Variants in PTPRT observed in about 807,000 individuals in gnomAD.
PTPRT encodes protein tyrosine phosphatase receptor type T, also known as receptor-type tyrosine-protein phosphatase T.
In PTPRT, 56 loss-of-function variants were observed where a neutral mutation model predicts 176.8. The observed-to-expected ratio is 0.32, with a 90% CI of 0.26 to 0.40. The LOEUF (loss-of-function observed/expected upper bound fraction) is 0.40. Among genes scored for constraint, PTPRT ranks in the 10% least tolerant of loss-of-function variants. The pLI, the probability that PTPRT is intolerant of heterozygous loss-of-function variation, is 1.00. For missense variants in PTPRT, 1,540 were observed against 1,908.2 expected (o/e 0.81, Z 3.60); for synonymous variants, 783 against 739.0 (o/e 1.06, Z -0.96).
At chr20:42,418,979 A>T (rs1270639875) in intron 9 of PTPRT, among the ~76,000 whole-genome samples, 1 of 152,220 alleles carries the variant, frequency 6.6e-6, no homozygotes, top group Non-Finnish European at 1.5e-5. Flanking sequence ...TTGGTCCATC[A>T]GCGTATCCCA....
At chr20:42,273,017 T>C (rs548863161) in intron 13 of PTPRT, among the ~76,000 whole-genome samples, 3 of 152,320 alleles carry the variant, frequency 2.0e-5, no homozygotes, top group Non-Finnish European at 2.9e-5. Flanking sequence ...CTAAGTTGAT[T>C]TATGTCTCCC....
At chr20:42,925,108 T>C (rs945241893) in intron 1 of PTPRT, among the ~76,000 whole-genome samples, 5 of 152,358 alleles carry the variant, frequency 3.3e-5, no homozygotes, top group Admixed American at 1.3e-4. Context: ...CCCGGGTCTG[T>C]GAGCACAGTC....
intron 7 of PTPRT, among the ~76,000 whole-genome samples, chr20:42,490,341 A>G (rs543529070): frequency 2.0e-5 from 3 of 152,248 alleles, no homozygotes; most frequent in South Asian, 2.1e-4. Context: ...CACTTGTGTA[A>G]TATCTTCCCA....
chr20:42,869,066 C>T (rs142084644), intron 2 of PTPRT, among the ~76,000 whole-genome samples: 8 of 152,298 alleles, frequency 5.3e-5, no homozygotes, highest in Non-Finnish European at 1.0e-4. Flanking sequence ...GCTACCTCCA[C>T]CCAGATTTCA....
intron 13 of PTPRT, among the ~76,000 whole-genome samples, chr20:42,260,138 A>T (rs1179706414): frequency 2.6e-5 from 4 of 152,220 alleles, no homozygotes; most frequent in African/African-American, 9.6e-5. Context: ...TGCACAGGAA[A>T]GGGCATGCCC....
In PTPRT at chr20:42,646,882, C is replaced by CTTTTTTTTTTTTTT. The variant is rs1161994908; in HGVS notation, c.1153+30970_1153+30983dup. On this transcript the variant is annotated intron_variant, in intron 7 of 30. Coordinates refer to ENST00000373187, the MANE Select transcript of PTPRT (RefSeq NM_007050.6). ...TCTAGAGATCCCAACCTAAGACAGC[C>CTTTTTTTTTTTTTT]TTTTTTTTTTTTTTTTTTTTTTTTT... is the stretch of plus-strand genomic sequence containing the variant. 5.5e-4 allele frequency among the ~76,000 whole-genome samples: 42 copies of CTTTTTTTTTTTTTT among 76,284 alleles called. 8 individuals are homozygous for CTTTTTTTTTTTTTT. Among genetic ancestry groups the CTTTTTTTTTTTTTT allele is most frequent in the African/African-American group, 3.1e-3 (42 of 13,368 alleles). The allele number at this position is 76,284 out of a possible 152,430, so 50.0% of individuals were successfully genotyped here.
intron 15 of PTPRT, among the ~76,000 whole-genome samples, chr20:42,200,058 A>AT (rs1991388189): frequency 2.8e-5 from 3 of 108,810 alleles, no homozygotes; most frequent in African/African-American, 1.1e-4. Context: ...AGTCACAAAA[A>AT]AATACACACA....
chr20:42,562,836 C>T lies in PTPRT; in HGVS notation c.1154-90274G>A, dbSNP rs183208486. Among the ~76,000 whole-genome samples, 192 of 152,244 alleles carry T rather than the reference C, an allele frequency of 1.3e-3. 1 individual carries two copies. Among genetic ancestry groups the T allele is most frequent in the Non-Finnish European group, 2.1e-3 (142 of 68,016 alleles). On this transcript the variant is annotated intron_variant, in intron 7 of 30. Transcript: ENST00000373187. ...CTCAGCTTCTAGTGCTTTGAATATG[C>T]CTTATTCTCCTTCTATCTTCCTGGC...
chr20:42,224,634 C>T (rs778271850), intron 15 of PTPRT, among the ~76,000 whole-genome samples: 18 of 152,294 alleles, frequency 1.2e-4, no homozygotes, highest in South Asian at 2.1e-4. Context: ...TTCTCAACTA[C>T]GGTTTCAGAT....
At chr20:42,623,477 TA>T (rs1226603933) in intron 7 of PTPRT, among the ~76,000 whole-genome samples, 1 of 152,226 alleles carries the variant, frequency 6.6e-6, no homozygotes, top group East Asian at 1.9e-4. Context: ...CCTTCATTTT[TA>T]AAACAAGGAT....
At chr20:42,102,356 G>C in intron 25 of PTPRT, 59 bp from the exon 26 acceptor site, 1 of 1,551,994 alleles carries the variant, frequency 6.4e-7, no homozygotes, top group South Asian at 1.1e-5. Flanking sequence ...CTGAGCAAAA[G>C]AGACAGTAAT....
At chr20:42,853,798 G>A (rs61005523) in intron 2 of PTPRT, among the ~76,000 whole-genome samples, 3,331 of 152,246 alleles carry the variant, frequency 0.022, 98 homozygotes, top group African/African-American at 0.063. Context: ...CCTTGTATAC[G>A]TTTTCCTCAG....
intron 1 of PTPRT, among the ~76,000 whole-genome samples, chr20:43,070,063 C>G (rs2011159776): frequency 6.6e-6 from 1 of 152,142 alleles, no homozygotes; most frequent in Admixed American, 6.5e-5. Context: ...ATCTGACCTA[C>G]AGATGTATTT....
At chr20:43,139,610 G>A (rs894090092) in intron 1 of PTPRT, among the ~76,000 whole-genome samples, 7 of 152,168 alleles carry the variant, frequency 4.6e-5, no homozygotes, top group East Asian at 1.9e-4. Context: ...GGCAGTGTCC[G>A]AGGGTCCCCT....
Position 42,284,531 on chromosome 20 carries a change from A to G in PTPRT, c.2140-2006T>C, listed in dbSNP as rs865927834. 2.2e-4 allele frequency among the ~76,000 whole-genome samples: 34 copies of G among 152,220 alleles called. No homozygotes were observed. The Middle Eastern group carries it at 0.017, about 76-fold the overall frequency. On this transcript the variant is annotated intron_variant, in intron 12 of 30. Coordinates refer to ENST00000373187, the MANE Select transcript of PTPRT (RefSeq NM_007050.6). ...TAACAATCTGGATAATGCCAATGGT[A>G]GAACCTTATGACATGTACTAGATTC...
chr20:42,201,715 G>A (rs113519473), intron 15 of PTPRT, among the ~76,000 whole-genome samples: 1 of 133,134 alleles, frequency 7.5e-6, no homozygotes, highest in African/African-American at 2.9e-5. Flanking sequence ...AACCTGACAG[G>A]GAGAGAACCA....
chr20:42,312,679 G>T (rs2057652612), intron 12 of PTPRT, among the ~76,000 whole-genome samples: 1 of 151,946 alleles, frequency 6.6e-6, no homozygotes, highest in Non-Finnish European at 1.5e-5. Context: ...GGGAATCTTA[G>T]TTACAAAGCA....
chr20:42,688,917 A>T (rs2075745641), intron 6 of PTPRT, among the ~76,000 whole-genome samples: 1 of 152,210 alleles, frequency 6.6e-6, no homozygotes, highest in Non-Finnish European at 1.5e-5. Flanking sequence ...GAGGAGACTA[A>T]GAGACTAGGG....
At chr20:42,039,704 T>TATATATATATATATATATATATATATA in the PTPRT span, among the ~76,000 whole-genome samples, 5 of 65,138 alleles carry the variant, frequency 7.7e-5, no homozygotes, top group African/African-American at 1.4e-4. Flanking sequence ...ATATATATAG[T>TATATATATATATATATATATATATATA]AATGTATATT....
Sources: allele counts gnomAD v4.1 joint callset (sites outside exome capture counted in the v4.1 genomes callset), GRCh38; gene constraint gnomAD v4.1.1; transcripts MANE v1.5; gene names NCBI Gene and HGNC (gene_info 2026-07-23, HGNC 2026-07-21).